The following STK3 variants were observed in gnomAD, a reference collection of about 807,000 sequenced individuals.
The protein encoded by STK3 is serine/threonine kinase 3, also known as serine/threonine-protein kinase 3.
A neutral mutation model predicts 58.0 loss-of-function variants in STK3; 41 were observed. The observed-to-expected ratio is 0.71, with a 90% CI of 0.55 to 0.92. The LOEUF is 0.92. STK3 is among the 40% of genes least tolerant of loss of function. The pLI, the probability that STK3 is intolerant of heterozygous loss-of-function variation, is 0.00. For missense variants in STK3, 479 were observed against 602.7 expected (o/e 0.79, Z 2.15); for synonymous variants, 170 against 191.0 (o/e 0.89, Z 0.91).
intron 9 of STK3, among the ~76,000 whole-genome samples, chr8:98,531,907 C>G (rs1297053677): frequency 1.3e-5 from 2 of 152,172 alleles, no homozygotes; most frequent in African/African-American, 4.8e-5. Context: ...TTTCAGCCTT[C>G]CAGAATTAAA....
At chr8:98,452,644 G>A (rs1819248457), downstream of STK3, among the ~76,000 whole-genome samples, 1 of 151,960 alleles carries the variant, frequency 6.6e-6, no homozygotes, top group Non-Finnish European at 1.5e-5. Flanking sequence ...ACCTATTTTT[G>A]GAAAGTTCCC....
At chr8:98,500,213 A>T (rs1823463573) in intron 10 of STK3, among the ~76,000 whole-genome samples, 1 of 152,108 alleles carries the variant, frequency 6.6e-6, no homozygotes, top group South Asian at 2.1e-4. Flanking sequence ...TAAGAGAGAA[A>T]AGATGCTATA....
chr8:98,723,520 G>A (rs183631141), intron 4 of STK3, among the ~76,000 whole-genome samples: 4 of 152,148 alleles, frequency 2.6e-5, no homozygotes, highest in Admixed American at 1.3e-4. Flanking sequence ...TACATATACT[G>A]CCTTAATGTT....
intron 4 of STK3, among the ~76,000 whole-genome samples, chr8:98,727,290 C>T (rs551090462): frequency 6.6e-6 from 1 of 152,316 alleles, no homozygotes; most frequent in East Asian, 1.9e-4. Flanking sequence ...CAGGGAACTG[C>T]TGGCAGACAT....
intron 3 of STK3, chr8:98,429,692 C>G: frequency 2.4e-6 from 1 of 412,318 alleles, no homozygotes; most frequent in East Asian, 4.1e-5. Flanking sequence ...TGAGTACACC[C>G]AGAATGCTAA....
rs147482605 is a variant in STK3, at chr8:98,622,142, G to A, written c.685-25973C>T. Among the ~76,000 whole-genome samples the A allele has an allele frequency of 9.1e-3, 1,371 of 151,138 alleles. 20 individuals carry two copies. The highest frequency in any genetic ancestry group is 0.03 in the African/African-American group (1,248 of 41,138). On this transcript the variant is annotated intron_variant, in intron 6 of 10. Coordinates refer to ENST00000419617, the MANE Select transcript of STK3 (RefSeq NM_006281.4). Reference sequence around the variant, plus strand: ...AAAAAAAAATTAGCTGAGTGTGGTGGTGCATGCCTGTGTTCCCAGCTATTC... The same window carrying A: ...AAAAAAAAATTAGCTGAGTGTGGTGATGCATGCCTGTGTTCCCAGCTATTC...
At chr8:98,810,767 A>G (rs900734502) in intron 1 of STK3, among the ~76,000 whole-genome samples, 1 of 152,148 alleles carries the variant, frequency 6.6e-6, no homozygotes, top group Non-Finnish European at 1.5e-5. Flanking sequence ...CCAATGATGG[A>G]GGTGGGGCCT....
intron 1 of STK3, among the ~76,000 whole-genome samples, chr8:98,823,090 G>A (rs1447608342): frequency 1.3e-5 from 2 of 152,172 alleles, no homozygotes; most frequent in Non-Finnish European, 2.9e-5. Flanking sequence ...ATAAAACCAT[G>A]GAATGGGTTT....
chr8:98,714,579 C>T (rs1224230439), intron 4 of STK3, among the ~76,000 whole-genome samples: 4 of 152,092 alleles, frequency 2.6e-5, no homozygotes, highest in Non-Finnish European at 2.9e-5. Flanking sequence ...TTACAAGGGA[C>T]ATGAAGGACC....
At chr8:98,736,197 A>G (rs1269062689) in intron 4 of STK3, among the ~76,000 whole-genome samples, 2 of 152,190 alleles carry the variant, frequency 1.3e-5, no homozygotes, top group Non-Finnish European at 2.9e-5. Context: ...TAATCAATGA[A>G]TTACTAAATA....
At chr8:98,384,354 T>G (rs1207497858) in intron 1 of STK3, among the ~76,000 whole-genome samples, 1 of 152,232 alleles carries the variant, frequency 6.6e-6, no homozygotes, top group African/African-American at 2.4e-5. Context: ...CTGCTTCCAC[T>G]TTGTGGAGTG....
intron 4 of STK3, among the ~76,000 whole-genome samples, chr8:98,742,408 G>A (rs536126454): frequency 1.6e-5 from 2 of 124,824 alleles, no homozygotes; most frequent in Admixed American, 9.0e-5. Context: ...TCATCCCTGG[G>A]ATGCAAGGCT....
chr8:98,934,748 T>C (rs980647208), intron 1 of STK3, among the ~76,000 whole-genome samples: 32 of 151,964 alleles, frequency 2.1e-4, no homozygotes, highest in Admixed American at 1.6e-3. Context: ...AAACCCCGTC[T>C]CTACTAAAAA....
intron 3 of STK3, among the ~76,000 whole-genome samples, chr8:98,841,087 A>G (rs1835963757): frequency 6.6e-6 from 1 of 152,250 alleles, no homozygotes; most frequent in East Asian, 1.9e-4. Flanking sequence ...GCTTCATCCA[A>G]GTGAACAAGT....
chr8:98,671,555 T>C (rs947226180), intron 6 of STK3, among the ~76,000 whole-genome samples: 5 of 152,120 alleles, frequency 3.3e-5, no homozygotes, highest in African/African-American at 4.8e-5. Context: ...TTTTTGTATA[T>C]AAATTTTTTA....
intron 3 of STK3, chr8:98,429,506 G>C: frequency 1.1e-6 from 1 of 878,812 alleles, no homozygotes; most frequent in Non-Finnish European, 1.8e-6. Context: ...GGTGTAAGGA[G>C]TATGCCCAGC....
At chr8:98,942,315 G>A (rs1840466618) in intron 1 of STK3, 1 of 152,308 alleles carries the variant, frequency 6.6e-6, no homozygotes, top group South Asian at 2.1e-4. Flanking sequence ...GCCAGCAGGC[G>A]GCCTAGGCGC....
intron 1 of STK3, among the ~76,000 whole-genome samples, chr8:98,779,315 G>A (rs190303277): frequency 7.9e-5 from 12 of 152,166 alleles, no homozygotes; most frequent in Admixed American, 1.3e-4. Context: ...TTTTTCCACT[G>A]TATTAATGTT....
chr8:98,699,922 A>G (rs912480470), intron 6 of STK3, among the ~76,000 whole-genome samples: 8 of 152,214 alleles, frequency 5.3e-5, no homozygotes, highest in African/African-American at 1.9e-4. Context: ...TTAAGTCTGC[A>G]GAGGTTACTG....
Sources: allele counts gnomAD v4.1 joint callset (sites outside exome capture counted in the v4.1 genomes callset), GRCh38; gene constraint gnomAD v4.1.1; transcripts MANE v1.5; gene names NCBI Gene and HGNC (gene_info 2026-07-23, HGNC 2026-07-21).